The following EEA1 variants were observed in gnomAD, a reference collection of about 807,000 sequenced individuals.
EEA1 encodes early endosome antigen 1.
A neutral mutation model predicts 209.2 loss-of-function variants in EEA1; 111 were observed. The ratio of observed to expected loss-of-function variants is 0.53; its 90% CI spans 0.45 to 0.62. The LOEUF is 0.62. Among genes scored for constraint, EEA1 ranks in the 20% least tolerant of loss-of-function variants. The probability of loss-of-function intolerance (pLI) is 0.00; values close to 1 mark genes in which losing one functional copy is unlikely to be tolerated. For missense variants in EEA1, 1,343 were observed against 1,530.8 expected (o/e 0.88, Z 2.05); for synonymous variants, 536 against 540.6 (o/e 0.99, Z 0.12).
At chr12:92,811,470 G>A (rs1433671726) in intron 16 of EEA1, 36 bp from the exon 17 acceptor site, 1 of 1,446,762 alleles carries the variant, frequency 6.9e-7, no homozygotes, top group Non-Finnish European at 9.1e-7. Flanking sequence ...ACTTTGGTAA[G>A]GTTTACTATA....
intron 1 of EEA1, among the ~76,000 whole-genome samples, chr12:92,893,854 CT>C (rs1491166263): frequency 6.6e-6 from 1 of 150,662 alleles, no homozygotes; most frequent in Non-Finnish European, 1.5e-5. Context: ...GCCAGCATTC[CT>C]TTTTTTTTCC....
chr12:92,859,406 G>T, intron 3 of EEA1: 1 of 615,246 alleles, frequency 1.6e-6, no homozygotes, highest in East Asian at 2.8e-5. Flanking sequence ...AGTCACTCTA[G>T]TCAATGACAT....
chr12:92,913,143 A>G (rs1880638172), intron 1 of EEA1, among the ~76,000 whole-genome samples: 1 of 152,214 alleles, frequency 6.6e-6, no homozygotes, highest in African/African-American at 2.4e-5. Context: ...AGGCTGTACT[A>G]ATTTACATTC....
chr12:92,845,826 G>A (rs890657718), intron 9 of EEA1, among the ~76,000 whole-genome samples: 27 of 152,156 alleles, frequency 1.8e-4, no homozygotes, highest in African/African-American at 6.0e-4. Context: ...CACACCTAAA[G>A]TAGTCCCTGA....
chr12:92,893,850 A>T (rs1879759593), intron 1 of EEA1, among the ~76,000 whole-genome samples: 1 of 151,966 alleles, frequency 6.6e-6, no homozygotes, highest in South Asian at 2.1e-4. Context: ...AATAGCCAGC[A>T]TTCCTTTTTT....
rs954262587 is a variant in EEA1 at position 92,781,873 on chromosome 12, A to G, written c.3336+77T>C. Reference sequence around the variant, plus strand: ...AAAATAAGGATGATGCCTGTACTAAATAAGAGGTTTGACTGGATGATCTCT... The same window carrying G: ...AAAATAAGGATGATGCCTGTACTAAGTAAGAGGTTTGACTGGATGATCTCT... On this transcript the variant is annotated intron_variant, in intron 23 of 28. Transcript: ENST00000322349. The G allele has an allele frequency of 2.2e-5, 30 of 1,355,950 alleles. No individual in the cohort carries two copies. In the African/African-American group the frequency reaches 3.6e-4, roughly 16 times the overall value. 84.0% of individuals were successfully genotyped at this position (1,355,950 alleles called of 1,614,324 possible).
At position 92,864,861 on chromosome 12, in the gene EEA1, G is replaced by T; in HGVS notation, c.244C>A (p.Arg82=). 1 of 1,592,904 alleles carries T rather than the reference G, an allele frequency of 6.3e-7. No homozygotes were observed. The highest frequency in any genetic ancestry group is 8.5e-7 in the Non-Finnish European group (1 of 1,171,510). The change falls in exon 3 of 29, where the codon CGA becomes AGA. Residue 82 remains arginine, a splice_region_variant and synonymous_variant. Coordinates refer to ENST00000322349, the MANE Select transcript of EEA1 (RefSeq NM_003566.4). ...TACTTCAAAATTATCATACCGTACC[G>T]CTTCAAAGCAAGATTAGACTCTCCT... ...HGGESNLALK[R]DDVTLLRQEV... is the part of the protein sequence containing the mutation.
At chr12:92,813,149 C>A in intron 15 of EEA1, 56 bp from the exon 16 acceptor site, 1 of 1,138,424 alleles carries the variant, frequency 8.8e-7, no homozygotes, top group Non-Finnish European at 1.3e-6. Flanking sequence ...TTTCCTCTTG[C>A]TTGAACGCAC....
chr12:92,850,786 A>G (rs1411842349), intron 9 of EEA1, among the ~76,000 whole-genome samples: 1 of 151,202 alleles, frequency 6.6e-6, no homozygotes, highest in East Asian at 1.9e-4. Context: ...ATATAATTGT[A>G]GAAAATGCTA....
Position 92,832,608 on chromosome 12 carries a change from G to C in EEA1, c.1158C>G (p.Thr386=). The C allele has an allele frequency of 6.2e-7, 1 of 1,613,952 alleles. No individual in the cohort carries two copies. Residue 386 remains threonine, a synonymous_variant, in exon 11 of 29, where the codon ACC becomes ACG. Transcript: ENST00000322349. The part of the protein sequence containing the change: ...KLKEELSEVE[T]KYQHLKAEFK... ...ACTCCGCCTTTAGATGCTGGTACTT[G>C]GTCTCTACCTCAGATAATTCTTCTT...
At chr12:92,831,527 T>C (rs556282278) in intron 11 of EEA1, among the ~76,000 whole-genome samples, 4 of 147,930 alleles carry the variant, frequency 2.7e-5, no homozygotes, top group East Asian at 2.0e-4. Flanking sequence ...ATATGAATTA[T>C]ATATCAATAT....
intron 1 of EEA1, 126 bp from the exon 2 acceptor site, chr12:92,891,847 T>G (rs1592761573): frequency 1.7e-6 from 1 of 594,720 alleles, no homozygotes; most frequent in Non-Finnish European, 2.9e-6. Flanking sequence ...ATAACAGTAC[T>G]AACAGTATCA....
At position 92,775,898 on chromosome 12, in the gene EEA1, G is replaced by T; in HGVS notation, c.*113C>A. ...TTCCAAAATATACTAATTCCTATTTGGTCTAGTATTGCAACCAGTGTCCAA... is the reference window on the plus strand; with the variant it reads ...TTCCAAAATATACTAATTCCTATTTTGTCTAGTATTGCAACCAGTGTCCAA... On this transcript the variant is annotated 3_prime_UTR_variant, in exon 29 of 29. Transcript: ENST00000322349. The T allele has an allele frequency of 3.9e-6, 4 of 1,030,990 alleles. No individual in the cohort carries two copies. The highest frequency in any genetic ancestry group is 4.0e-6 in the Non-Finnish European group (3 of 750,672). The allele number at this position is 1,030,990 out of a possible 1,614,324, so 63.9% of individuals were successfully genotyped here.
intron 1 of EEA1, among the ~76,000 whole-genome samples, chr12:92,910,253 C>T (rs992033862): frequency 2.0e-5 from 3 of 151,884 alleles, no homozygotes; most frequent in Non-Finnish European, 4.4e-5. Flanking sequence ...GGGCAGATCA[C>T]GAGGTCAGGA....
intron 3 of EEA1, chr12:92,858,318 C>T (rs1877978959): frequency 3.9e-6 from 3 of 762,256 alleles, no homozygotes; most frequent in East Asian, 4.9e-5. Flanking sequence ...TGTTGACTAA[C>T]AGAAAATGCT....
At chr12:92,870,480 TG>T (rs1878595216) in intron 2 of EEA1, among the ~76,000 whole-genome samples, 2 of 152,152 alleles carry the variant, frequency 1.3e-5, no homozygotes, top group Admixed American at 6.6e-5. Flanking sequence ...CCTCAGATAC[TG>T]GGAAATACTG....
intron 1 of EEA1, among the ~76,000 whole-genome samples, chr12:92,903,655 T>C (rs889723776): frequency 6.6e-6 from 1 of 150,724 alleles, no homozygotes; most frequent in African/African-American, 2.4e-5. Context: ...TTGTGAGAAA[T>C]TAAAAAAAGA....
At chr12:92,885,158 A>C (rs1879326012) in intron 2 of EEA1, among the ~76,000 whole-genome samples, 1 of 152,082 alleles carries the variant, frequency 6.6e-6, no homozygotes, top group South Asian at 2.1e-4. Context: ...TAGTAGTTAA[A>C]TTTTTGGGGA....
intron 1 of EEA1, among the ~76,000 whole-genome samples, chr12:92,894,878 C>T (rs139476877): frequency 6.6e-6 from 1 of 152,308 alleles, no homozygotes; most frequent in Non-Finnish European, 1.5e-5. Context: ...TGGAAGATGT[C>T]ATCTGTAACT....
Sources: gnomAD v4.1 joint callset for allele counts (sites outside exome capture counted in the v4.1 genomes callset) on GRCh38, gnomAD v4.1.1 for gene constraint, MANE v1.5 for transcripts, NCBI Gene and HGNC (gene_info 2026-07-23, HGNC 2026-07-21) for gene names.